Variants in TAFA2 observed in about 807,000 individuals in gnomAD.
TAFA2 encodes TAFA chemokine like family member 2, also known as chemokine-like protein TAFA-2.
TAFA2 carries 7 observed loss-of-function variants against 18.8 expected under a neutral mutation model. The observed-to-expected ratio is 0.37, with a 90% CI of 0.21 to 0.70. The LOEUF is 0.70. Among genes scored for constraint, TAFA2 ranks in the 30% least tolerant of loss-of-function variants. The probability of loss-of-function intolerance (pLI) is 0.53; values close to 1 mark genes in which losing one functional copy is unlikely to be tolerated. For missense variants in TAFA2, 122 were observed against 158.1 expected (o/e 0.77, Z 1.23); for synonymous variants, 60 against 54.2 (o/e 1.11, Z -0.47).
At chr12:61,928,891 A>C (rs1877425629) in intron 1 of TAFA2, among the ~76,000 whole-genome samples, 1 of 152,150 alleles carries the variant, frequency 6.6e-6, no homozygotes, top group Admixed American at 6.5e-5. Flanking sequence ...CATCATTCTC[A>C]GCAAACTAAC....
intron 1 of TAFA2, among the ~76,000 whole-genome samples, chr12:61,969,590 A>T (rs768034475): frequency 2.6e-5 from 4 of 151,792 alleles, no homozygotes; most frequent in Non-Finnish European, 4.4e-5. Flanking sequence ...AAGACCTAAT[A>T]GTACTAAGTA....
chr12:61,949,902 C>A (rs1464314625), intron 1 of TAFA2, among the ~76,000 whole-genome samples: 2 of 152,062 alleles, frequency 1.3e-5, no homozygotes, highest in African/African-American at 4.8e-5. Flanking sequence ...AACTCCATAC[C>A]TAGTAATCAA....
At chr12:61,729,703 T>C (rs1870349726) in intron 4 of TAFA2, among the ~76,000 whole-genome samples, 1 of 152,180 alleles carries the variant, frequency 6.6e-6, no homozygotes. Context: ...ATAATTGACC[T>C]TCTGAATTCT....
chr12:62,130,213 C>A (rs954789509), intron 1 of TAFA2, among the ~76,000 whole-genome samples: 16 of 151,982 alleles, frequency 1.1e-4, no homozygotes, highest in African/African-American at 3.9e-4. Context: ...TGCAGCCTAA[C>A]ACATAATGTC....
At chr12:61,858,770 A>G (rs1182973336) in intron 2 of TAFA2, among the ~76,000 whole-genome samples, 1 of 152,118 alleles carries the variant, frequency 6.6e-6, no homozygotes, top group Non-Finnish European at 1.5e-5. Flanking sequence ...ATCCTGGAGG[A>G]ATTTTGTAAG....
intron 1 of TAFA2, among the ~76,000 whole-genome samples, chr12:62,074,661 T>G (rs1882715697): frequency 6.6e-6 from 1 of 151,990 alleles, no homozygotes; most frequent in East Asian, 1.9e-4. Flanking sequence ...AATGAAATAT[T>G]CACATCTAGC....
At chr12:61,947,934 T>G (rs1565692345) in intron 1 of TAFA2, among the ~76,000 whole-genome samples, 2 of 152,134 alleles carry the variant, frequency 1.3e-5, no homozygotes, top group Admixed American at 6.5e-5. Flanking sequence ...TATACAAGCA[T>G]ACTTTATGGA....
intron 1 of TAFA2, among the ~76,000 whole-genome samples, chr12:62,027,485 T>C (rs1368051175): frequency 6.6e-6 from 1 of 152,186 alleles, no homozygotes; most frequent in Non-Finnish European, 1.5e-5. Flanking sequence ...AAAACATTCC[T>C]AGTTTTTTTG....
intron 1 of TAFA2, among the ~76,000 whole-genome samples, chr12:62,037,962 A>G (rs886438587): frequency 9.2e-5 from 14 of 152,336 alleles, no homozygotes; most frequent in Admixed American, 6.5e-4. Context: ...ATCCATATCC[A>G]CATGAACATC....
At chr12:61,817,754 A>G (rs1463427971) in intron 2 of TAFA2, among the ~76,000 whole-genome samples, 2 of 152,226 alleles carry the variant, frequency 1.3e-5, no homozygotes, top group Non-Finnish European at 2.9e-5. Flanking sequence ...AATAACAGTG[A>G]TATGTAAAAA....
chr12:62,170,958 T>C (rs2062473823), intron 1 of TAFA2, among the ~76,000 whole-genome samples: 1 of 152,200 alleles, frequency 6.6e-6, no homozygotes, highest in African/African-American at 2.4e-5. Context: ...CTCTTAATTT[T>C]ATACTTACAC....
chr12:61,770,326 G>C (rs1452156814), intron 2 of TAFA2, among the ~76,000 whole-genome samples: 2 of 152,082 alleles, frequency 1.3e-5, no homozygotes, highest in Non-Finnish European at 2.9e-5. Flanking sequence ...GAAAATAATA[G>C]GGGAAATCTT....
chr12:61,986,715 G>A (rs1324308891), intron 1 of TAFA2, among the ~76,000 whole-genome samples: 7 of 151,702 alleles, frequency 4.6e-5, no homozygotes, highest in African/African-American at 1.7e-4. Context: ...CCTTCTAACA[G>A]GATTAATTGC....
intron 1 of TAFA2, chr12:62,235,147 T>A (rs1212439335): frequency 3.0e-6 from 2 of 657,370 alleles, no homozygotes; most frequent in African/African-American, 1.8e-5. Flanking sequence ...AAAATCATCA[T>A]CTCTTGCTGA....
chr12:61,791,773 G>A (rs563344260), intron 2 of TAFA2, among the ~76,000 whole-genome samples: 3 of 151,798 alleles, frequency 2.0e-5, no homozygotes, highest in African/African-American at 7.2e-5. Context: ...TTGTGGGTAT[G>A]TAAATTAGTA....
intron 2 of TAFA2, among the ~76,000 whole-genome samples, chr12:61,851,533 T>C (rs1194364399): frequency 1.3e-5 from 2 of 151,580 alleles, no homozygotes; most frequent in African/African-American, 4.8e-5. Flanking sequence ...TCCCAGCACT[T>C]TGGGAGGCCG....
At chr12:61,775,196 A>G (rs983626338) in intron 2 of TAFA2, among the ~76,000 whole-genome samples, 3 of 151,846 alleles carry the variant, frequency 2.0e-5, no homozygotes, top group African/African-American at 4.8e-5. Context: ...ACTCTCATTC[A>G]TTGCTAGTGG....
At chr12:61,783,422 C>T (rs1442350959) in intron 2 of TAFA2, among the ~76,000 whole-genome samples, 1 of 151,430 alleles carries the variant, frequency 6.6e-6, no homozygotes, top group African/African-American at 2.4e-5. Flanking sequence ...TCTTCTTTAC[C>T]ACTCGTGTAC....
At chr12:61,896,919 G>C (rs1433570191) in intron 1 of TAFA2, among the ~76,000 whole-genome samples, 1 of 152,092 alleles carries the variant, frequency 6.6e-6, no homozygotes, top group East Asian at 1.9e-4. Context: ...GGATATAAAA[G>C]TTATCTGATA....
Sources: allele counts gnomAD v4.1 joint callset (sites outside exome capture counted in the v4.1 genomes callset), GRCh38; gene constraint gnomAD v4.1.1; transcripts MANE v1.5; gene names NCBI Gene and HGNC (gene_info 2026-07-23, HGNC 2026-07-21).